Variants in RBMS2 observed in about 807,000 individuals in gnomAD.
RBMS2 encodes the protein RNA-binding motif, single-stranded-interacting protein 2.
RBMS2 carries 38 observed loss-of-function variants against 58.4 expected under a neutral mutation model. That is an observed-to-expected ratio of 0.65 (90% CI 0.50 to 0.85). RBMS2 has a LOEUF of 0.85. RBMS2 is among the 40% of genes least tolerant of loss of function. The pLI, the probability that RBMS2 is intolerant of heterozygous loss-of-function variation, is 0.00. For missense variants in RBMS2, 367 were observed against 503.7 expected (o/e 0.73, Z 2.60); for synonymous variants, 151 against 180.7 (o/e 0.84, Z 1.32).
At chr12:56,520,730 A>C (rs1871645315), upstream of RBMS2, among the ~76,000 whole-genome samples, 1 of 152,090 alleles carries the variant, frequency 6.6e-6, no homozygotes, top group African/African-American at 2.4e-5. Context: ...ATGCTTCTTA[A>C]GTATTTTTTT....
Position 56,589,030 on chromosome 12 carries a change from A to G in RBMS2, c.*6+12A>G. The G allele has an allele frequency of 6.2e-7, 1 of 1,614,182 alleles. No homozygotes were observed. The highest frequency in any genetic ancestry group is 1.6e-4 in the Middle Eastern group (1 of 6,062). ...ACAAGTAACAGTGGGTAAGAACCAC[A>G]TGCTGGGGGGCAGGGAGGGCTGCAC... On this transcript the variant is annotated intron_variant, in intron 13 of 13. Transcript: ENST00000262031.
chr12:56,535,119 T>C (rs1874526082), intron 1 of RBMS2, among the ~76,000 whole-genome samples: 1 of 152,120 alleles, frequency 6.6e-6, no homozygotes, highest in African/African-American at 2.4e-5. Context: ...TTCTCCTCAT[T>C]TTCCTGACCT....
intron 2 of RBMS2, among the ~76,000 whole-genome samples, chr12:56,566,016 C>T (rs1881282101): frequency 6.6e-6 from 1 of 152,168 alleles, no homozygotes. Flanking sequence ...CACAGTCAGA[C>T]TTCTCATGAG....
chr12:56,566,249 G>A (rs983774712), intron 2 of RBMS2, among the ~76,000 whole-genome samples: 4 of 152,194 alleles, frequency 2.6e-5, no homozygotes, highest in African/African-American at 9.7e-5. Context: ...ATGTTCTTTA[G>A]GGATGGAAGG....
chr12:56,536,921 AC>A (rs1434671425), intron 1 of RBMS2, among the ~76,000 whole-genome samples: 1 of 136,742 alleles, frequency 7.3e-6, no homozygotes, highest in Non-Finnish European at 1.6e-5. Context: ...ACCATCTTGA[AC>A]TTTTTTTTTT....
intron 2 of RBMS2, among the ~76,000 whole-genome samples, chr12:56,563,146 T>C (rs919901625): frequency 6.6e-6 from 1 of 151,990 alleles, no homozygotes; most frequent in Non-Finnish European, 1.5e-5. Flanking sequence ...TAAATAAAAA[T>C]CTACCTGCTA....
In RBMS2 at chr12:56,586,865, C is replaced by G; in HGVS notation, c.890C>G (p.Ser297Cys). 1 of 1,613,482 alleles carries G rather than the reference C, an allele frequency of 6.2e-7. No individual in the cohort carries two copies. ...TTGTTTTAGAGAGTGACTCAGACAT[C>G]TCCTCTACAAGTACCTAACCCATCC... Reference protein sequence around the residue: ...VSSYQRVTQTSPLQVPNPSWM... With the variant: ...VSSYQRVTQTCPLQVPNPSWM... The change falls in exon 10 of 14, where the codon TCT (serine) becomes TGT (cysteine). Residue 297 changes from serine to cysteine, a missense_variant. Transcript: ENST00000262031.
intron 2 of RBMS2, among the ~76,000 whole-genome samples, chr12:56,568,260 G>A (rs1207923444): frequency 1.3e-5 from 2 of 152,182 alleles, no homozygotes; most frequent in African/African-American, 2.4e-5. Flanking sequence ...GATCAGTGGT[G>A]TTTTCCAAAA....
chr12:56,560,339 C>T (rs2136405844), intron 1 of RBMS2, among the ~76,000 whole-genome samples: 1 of 151,986 alleles, frequency 6.6e-6, no homozygotes, highest in South Asian at 2.1e-4. Context: ...TCACTGCAAC[C>T]TCTGCCTCCC....
intron 1 of RBMS2, among the ~76,000 whole-genome samples, chr12:56,538,447 C>T (rs1246274327): frequency 2.1e-5 from 3 of 140,138 alleles, no homozygotes; most frequent in East Asian, 4.2e-4. Context: ...CTGCAGATTG[C>T]TTTGAGTAGT....
At chr12:56,560,338 C>G (rs1029381071) in intron 1 of RBMS2, among the ~76,000 whole-genome samples, 1 of 151,340 alleles carries the variant, frequency 6.6e-6, no homozygotes, top group African/African-American at 2.4e-5. Flanking sequence ...CTCACTGCAA[C>G]CTCTGCCTCC....
intron 1 of RBMS2, among the ~76,000 whole-genome samples, chr12:56,537,559 C>A (rs1329645549): frequency 1.3e-5 from 2 of 152,168 alleles, no homozygotes; most frequent in African/African-American, 4.8e-5. Flanking sequence ...ATTGTATGTA[C>A]AACATATAGC....
chr12:56,524,774 C>T (rs953057785), intron 1 of RBMS2, among the ~76,000 whole-genome samples: 4 of 152,164 alleles, frequency 2.6e-5, no homozygotes, highest in Non-Finnish European at 5.9e-5. Flanking sequence ...GGCTGGAATG[C>T]AGTGGCGTGA....
intron 1 of RBMS2, among the ~76,000 whole-genome samples, chr12:56,536,904 A>T (rs372839079): frequency 3.5e-4 from 52 of 150,484 alleles, no homozygotes; most frequent in African/African-American, 1.3e-3. Context: ...TACATAACAT[A>T]AAATTTACCA....
rs1884848586 is a variant in RBMS2, at chr12:56,587,606, C to T, written c.1004C>T (p.Ser335Phe). The change falls in exon 11 of 14, where the codon TCC becomes TTC. Residue 335 changes from serine (S) to phenylalanine (F), a missense_variant. Ser to Phe is a radical substitution (Grantham distance 155, BLOSUM62 -2). Coordinates refer to ENST00000262031, the MANE Select transcript of RBMS2 (RefSeq NM_002898.4). ...CATCCCATTTCTCTCCAGCCTGCCT[C>T]CATGATGGGACCCCTTACCCAGCAA... ...MDHPISLQPASMMGPLTQQLG... is the reference protein window; with the variant it reads ...MDHPISLQPAFMMGPLTQQLG... 1 of 1,614,120 alleles carries T rather than the reference C, an allele frequency of 6.2e-7. No individual in the cohort carries two copies. The highest frequency in any genetic ancestry group is 8.5e-7 in the Non-Finnish European group (1 of 1,179,970).
chr12:56,533,332 C>T (rs1203850222), intron 1 of RBMS2, among the ~76,000 whole-genome samples: 1 of 151,440 alleles, frequency 6.6e-6, no homozygotes, highest in African/African-American at 2.4e-5. Flanking sequence ...GAACTCCTGA[C>T]CTCAAGCGAT....
At chr12:56,553,485 G>C (rs1239953252) in intron 1 of RBMS2, among the ~76,000 whole-genome samples, 1 of 151,884 alleles carries the variant, frequency 6.6e-6, no homozygotes, top group Admixed American at 6.6e-5. Flanking sequence ...ACACCACCAA[G>C]TCCGGCTAAT....
intron 9 of RBMS2, among the ~76,000 whole-genome samples, chr12:56,584,535 C>T (rs549144354): frequency 1.3e-5 from 2 of 151,920 alleles, no homozygotes; most frequent in Non-Finnish European, 2.9e-5. Context: ...CCTATAATCC[C>T]AGCACTTTGG....
intron 1 of RBMS2, among the ~76,000 whole-genome samples, chr12:56,535,005 C>T (rs927423091): frequency 6.6e-6 from 1 of 152,148 alleles, no homozygotes; most frequent in Non-Finnish European, 1.5e-5. Context: ...CAATTGATCA[C>T]TCTATTCCTT....
Sources: gnomAD v4.1 joint callset for allele counts (sites outside exome capture counted in the v4.1 genomes callset) on GRCh38, gnomAD v4.1.1 for gene constraint, MANE v1.5 for transcripts, NCBI Gene and HGNC (gene_info 2026-07-23, HGNC 2026-07-21) for gene names.